AKAP6: variants seen among roughly 807,000 people sequenced by gnomAD.
AKAP6 encodes A-kinase anchor protein 6.
AKAP6 carries 58 observed loss-of-function variants against 188.5 expected under a neutral mutation model. That is an observed-to-expected ratio of 0.31 (90% CI 0.25 to 0.38). AKAP6 has a LOEUF of 0.38. Ranked by LOEUF, AKAP6 falls within the 10% of genes least tolerant of loss-of-function variation. The probability of loss-of-function intolerance (pLI) is 1.00; values close to 1 mark genes in which losing one functional copy is unlikely to be tolerated. For synonymous variants in AKAP6, 989 were observed against 998.6 expected (o/e 0.99, Z 0.18); for missense variants, 2,710 against 2,740.0 (o/e 0.99, Z 0.24).
intron 4 of AKAP6, among the ~76,000 whole-genome samples, chr14:32,574,107 G>A (rs1035092450): frequency 1.1e-4 from 17 of 152,156 alleles, no homozygotes; most frequent in Non-Finnish European, 1.5e-4. Context: ...AGGAAGGGAG[G>A]TCGAAAGCTA....
At chr14:32,814,522 G>C (rs1566730595) in intron 12 of AKAP6, among the ~76,000 whole-genome samples, 2 of 152,084 alleles carry the variant, frequency 1.3e-5, no homozygotes, top group Non-Finnish European at 2.9e-5. Flanking sequence ...TATTATGTCT[G>C]GCTTCTTTCA....
chr14:32,428,431 GCACCAGTGTCC>G (rs1890105841), intron 1 of AKAP6, among the ~76,000 whole-genome samples: 1 of 151,898 alleles, frequency 6.6e-6, no homozygotes. Flanking sequence ...CTCTATACTG[GCACCAGTGTCC>G]TGCCAGCATG....
At chr14:32,545,127 C>T (rs1883136170) in intron 3 of AKAP6, 103 bp from the exon 4 acceptor site, 2 of 1,082,176 alleles carry the variant, frequency 1.8e-6, no homozygotes, top group Non-Finnish European at 2.7e-6. Flanking sequence ...GGGACCAATA[C>T]ATTTGACCTT....
intron 9 of AKAP6, among the ~76,000 whole-genome samples, chr14:32,729,789 C>A (rs1486036899): frequency 6.6e-6 from 1 of 152,098 alleles, no homozygotes; most frequent in African/African-American, 2.4e-5. Flanking sequence ...TCAAGAAAAG[C>A]TTTCTGACTT....
At chr14:32,810,121 C>T (rs564211101) in intron 12 of AKAP6, among the ~76,000 whole-genome samples, 3 of 152,232 alleles carry the variant, frequency 2.0e-5, no homozygotes, top group East Asian at 1.9e-4. Flanking sequence ...CATCTCTGTG[C>T]GATCAACTCA....
Position 32,545,465 on chromosome 14 carries a change from G to A in AKAP6, c.812G>A (p.Ser271Asn). ...MEKEFPELIR[S>N]VGLLTVAADS... ...AAGGAGTTTCCTGAGCTTATCCGAAGTGTTGGTTTACTTACGGTAGCTGCT... is the reference window on the plus strand; with the variant it reads ...AAGGAGTTTCCTGAGCTTATCCGAAATGTTGGTTTACTTACGGTAGCTGCT... Residue 271 changes from serine (S) to asparagine (N), a missense_variant, in exon 4 of 14, where the codon AGT (serine) becomes AAT (asparagine). By Grantham distance (46) the Ser-to-Asn change is conservative. Coordinates refer to ENST00000280979, the MANE Select transcript of AKAP6 (RefSeq NM_004274.5). The A allele has an allele frequency of 6.2e-7, 1 of 1,614,214 alleles. No homozygotes were observed. Among genetic ancestry groups the A allele is most frequent in the Non-Finnish European group, 8.5e-7 (1 of 1,180,016 alleles).
At chr14:32,582,345 A>G (rs1276918595) in intron 5 of AKAP6, among the ~76,000 whole-genome samples, 5 of 152,110 alleles carry the variant, frequency 3.3e-5, no homozygotes, top group East Asian at 3.9e-4. Flanking sequence ...TGGCTTGTAG[A>G]GTTTCTGCCG....
At chr14:32,520,504 A>T (rs372494092) in intron 2 of AKAP6, among the ~76,000 whole-genome samples, 1 of 152,222 alleles carries the variant, frequency 6.6e-6, no homozygotes, top group Admixed American at 6.5e-5. Context: ...ATAAAAAATG[A>T]TAAAGGGGAT....
intron 2 of AKAP6, among the ~76,000 whole-genome samples, chr14:32,518,027 A>G (rs551276905): frequency 6.6e-6 from 1 of 152,274 alleles, no homozygotes; most frequent in Non-Finnish European, 1.5e-5. Context: ...AGCAACATTT[A>G]CCGTTCTGCA....
chr14:32,736,576 A>T (rs538698542), intron 11 of AKAP6, among the ~76,000 whole-genome samples: 1 of 152,118 alleles, frequency 6.6e-6, no homozygotes, highest in Non-Finnish European at 1.5e-5. Context: ...TGCAGTCATT[A>T]TTTGGGTTCT....
At chr14:32,507,734 A>G (rs1880953021) in intron 2 of AKAP6, among the ~76,000 whole-genome samples, 1 of 152,226 alleles carries the variant, frequency 6.6e-6, no homozygotes, top group Non-Finnish European at 1.5e-5. Flanking sequence ...ATTGTAGAGG[A>G]GACAGGGCTT....
intron 2 of AKAP6, among the ~76,000 whole-genome samples, chr14:32,498,115 A>G (rs1880421781): frequency 6.6e-6 from 1 of 152,132 alleles, no homozygotes. Flanking sequence ...TTCCATTTCT[A>G]CAATGTTATG....
chr14:32,632,572 G>T (rs769767557), intron 7 of AKAP6, among the ~76,000 whole-genome samples: 5 of 152,056 alleles, frequency 3.3e-5, no homozygotes, highest in African/African-American at 9.7e-5. Flanking sequence ...TGATAAATTT[G>T]CAGAGATGTG....
In AKAP6 at chr14:32,796,698, G is replaced by A. The variant is rs186539860; in HGVS notation, c.3588+22805G>A. ...AAAAACGCTAGGAGAAAATCTAGGC[G>A]ATACCATTCAGGACATAGCCATACC... is the stretch of plus-strand genomic sequence containing the variant. On this transcript the variant is annotated intron_variant, in intron 12 of 13. Coordinates refer to ENST00000280979, the MANE Select transcript of AKAP6 (RefSeq NM_004274.5). Among the ~76,000 whole-genome samples the A allele has an allele frequency of 1.8e-4, 28 of 152,152 alleles. 1 individual carries two copies. The South Asian group carries it at 5.4e-3, about 29-fold the overall frequency.
intron 12 of AKAP6, among the ~76,000 whole-genome samples, chr14:32,777,206 C>T (rs2033096137): frequency 6.6e-6 from 1 of 152,098 alleles, no homozygotes; most frequent in Non-Finnish European, 1.5e-5. Flanking sequence ...AACTATACTC[C>T]CAGGACAAAG....
At chr14:32,370,805 G>A (rs760571820) in intron 1 of AKAP6, among the ~76,000 whole-genome samples, 1 of 152,220 alleles carries the variant, frequency 6.6e-6, no homozygotes, top group Non-Finnish European at 1.5e-5. Flanking sequence ...TTGCTGGCAT[G>A]AAAAGACTTG....
chr14:32,815,672 T>C (rs2034359432), intron 12 of AKAP6, among the ~76,000 whole-genome samples: 1 of 152,194 alleles, frequency 6.6e-6, no homozygotes, highest in Non-Finnish European at 1.5e-5. Flanking sequence ...CAACCTCCAG[T>C]CTTAAACACT....
At chr14:32,478,485 C>T (rs984036211) in intron 2 of AKAP6, among the ~76,000 whole-genome samples, 3 of 152,204 alleles carry the variant, frequency 2.0e-5, no homozygotes. Context: ...CAAAGATGGG[C>T]TAAATGTCTT....
chr14:32,513,043 C>A (rs749778756), intron 2 of AKAP6, among the ~76,000 whole-genome samples: 1 of 152,154 alleles, frequency 6.6e-6, no homozygotes, highest in Non-Finnish European at 1.5e-5. Flanking sequence ...TTTACTCCCC[C>A]AGTAATTACT....
Sources: allele counts gnomAD v4.1 joint callset (sites outside exome capture counted in the v4.1 genomes callset), GRCh38; gene constraint gnomAD v4.1.1; transcripts MANE v1.5; gene names NCBI Gene and HGNC (gene_info 2026-07-23, HGNC 2026-07-21).